The following GCNT2 variants were observed in gnomAD, a reference collection of about 807,000 sequenced individuals.
GCNT2 encodes the protein N-acetyllactosaminide beta-1,6-N-acetylglucosaminyl-transferase.
A neutral mutation model predicts 34.2 loss-of-function variants in GCNT2; 34 were observed. That is an observed-to-expected ratio of 1.00 (90% CI 0.76 to 1.32). The LOEUF (loss-of-function observed/expected upper bound fraction) is 1.32. GCNT2 is among the 40% of genes most tolerant of loss of function. The pLI is 0.00. For missense variants in GCNT2, 584 were observed against 489.4 expected, an observed-to-expected ratio of 1.19 and a Z score of -1.82; for synonymous variants, 212 against 188.0, an observed-to-expected ratio of 1.13 and a Z score of -1.04.
chr6:10,556,128 A>T, intron 3 of GCNT2: 2 of 1,297,540 alleles, frequency 1.5e-6, no homozygotes, highest in South Asian at 3.3e-5. Context: ...TTAGCAAAAC[A>T]GCTAGCAGAT....
rs1454614979 is a variant in GCNT2 at position 10,628,772 on chromosome 6, A to T, written c.*2165A>T. ...GTGGTGGCTCACACCTGTAATCCCAACACTTTGGGAGGCCAAGGCAGGTAG... is the reference window on the plus strand; with the variant it reads ...GTGGTGGCTCACACCTGTAATCCCATCACTTTGGGAGGCCAAGGCAGGTAG... On this transcript the variant is annotated 3_prime_UTR_variant, in exon 5 of 5. Coordinates refer to ENST00000495262, the MANE Select transcript of GCNT2 (RefSeq NM_145649.5). 6.6e-6 allele frequency: 1 copy of T among 152,352 alleles called. No individual in the cohort carries two copies. Among genetic ancestry groups the T allele is most frequent in the Admixed American group, 6.5e-5 (1 of 15,272 alleles). 9.4% of individuals were successfully genotyped at this position (152,352 alleles called of 1,614,324 possible). A position where few individuals can be genotyped will look rare whatever the true frequency, so the allele number is the denominator to read the frequency against.
intron 2 of GCNT2, among the ~76,000 whole-genome samples, chr6:10,527,927 C>T (rs1428823616): frequency 6.6e-6 from 1 of 152,140 alleles, no homozygotes; most frequent in Non-Finnish European, 1.5e-5. Flanking sequence ...AAGAGCCTCT[C>T]TCCTAAAATT....
At chr6:10,599,661 G>C (rs1013770518) in intron 3 of GCNT2, among the ~76,000 whole-genome samples, 4 of 152,124 alleles carry the variant, frequency 2.6e-5, no homozygotes, top group Non-Finnish European at 5.9e-5. Flanking sequence ...TCACATCATG[G>C]CTTCTTGTAG....
chr6:10,529,042 T>G lies in GCNT2; in HGVS notation c.131T>G (p.Leu44Arg). 1 of 1,614,158 alleles carries G rather than the reference T, an allele frequency of 6.2e-7. No individual in the cohort carries two copies. Among genetic ancestry groups the G allele is most frequent in the Non-Finnish European group, 8.5e-7 (1 of 1,179,976 alleles). ...FLRAALSNAS[L>R]LAEACHQIFE... ...AGGGCAGCTCTGTCCAATGCTTCAC[T>G]GTTAGCAGAAGCCTGTCATCAGATT... Residue 44 changes from leucine (L) to arginine (R), a missense_variant, in exon 3 of 5, where the codon CTG becomes CGG. By Grantham distance (102) the Leu-to-Arg change is moderately radical. Coordinates refer to ENST00000495262, the MANE Select transcript of GCNT2 (RefSeq NM_145649.5).
At chr6:10,530,611 C>A (rs193282567) in intron 3 of GCNT2, among the ~76,000 whole-genome samples, 16 of 152,240 alleles carry the variant, frequency 1.1e-4, no homozygotes, top group African/African-American at 3.6e-4. Flanking sequence ...TGGCTCACGC[C>A]TGTAATCCCA....
In GCNT2 at chr6:10,626,494, A is replaced by G; in HGVS notation, c.1096A>G (p.Asn366Asp). The change falls in exon 5 of 5, where the codon AAC (asparagine) becomes GAC (aspartate). Residue 366 changes from asparagine to aspartate, a missense_variant. Transcript: ENST00000495262. ...GGTTAATTCACCAAGCCTGTTTGCTAACAAGTTTGAGCTTAATACCTACCC... is the reference window on the plus strand; with the variant it reads ...GGTTAATTCACCAAGCCTGTTTGCTGACAAGTTTGAGCTTAATACCTACCC... Reference protein sequence around the residue: ...WLVNSPSLFANKFELNTYPLT... With the variant: ...WLVNSPSLFADKFELNTYPLT... The G allele has an allele frequency of 6.2e-7, 1 of 1,613,652 alleles. No individual in the cohort carries two copies. Among genetic ancestry groups the G allele is most frequent in the Non-Finnish European group, 8.5e-7 (1 of 1,179,534 alleles).
intron 3 of GCNT2, among the ~76,000 whole-genome samples, chr6:10,616,840 T>C (rs1765789514): frequency 6.6e-6 from 1 of 152,122 alleles, no homozygotes; most frequent in Admixed American, 6.5e-5. Context: ...TGCCAATTGG[T>C]GCATTCACAA....
At chr6:10,606,551 A>T (rs1039465961) in intron 3 of GCNT2, among the ~76,000 whole-genome samples, 1 of 83,094 alleles carries the variant, frequency 1.2e-5, no homozygotes. Context: ...ATTTATTGGG[A>T]TCTCTTTTAA....
intron 3 of GCNT2, among the ~76,000 whole-genome samples, chr6:10,615,203 C>T (rs1462549152): frequency 6.6e-6 from 1 of 152,150 alleles, no homozygotes; most frequent in Non-Finnish European, 1.5e-5. Context: ...CTGCATCCTC[C>T]TCCCAGTGTT....
intron 3 of GCNT2, chr6:10,557,490 G>GT: frequency 1.5e-6 from 1 of 660,206 alleles, no homozygotes; most frequent in Non-Finnish European, 2.6e-6. Flanking sequence ...GCAGAAAGAT[G>GT]TTCTTTTTTT....
rs1315036809 is a variant in GCNT2, at chr6:10,628,193, G to A, written c.*1586G>A. ...AGAATGGTCTCAGTGTTAATACTGA[G>A]AAAAAGTCCTGTCAGTTCAGAAAAA... On this transcript the variant is annotated 3_prime_UTR_variant, in exon 5 of 5. Coordinates refer to ENST00000495262, the MANE Select transcript of GCNT2 (RefSeq NM_145649.5). The A allele has an allele frequency of 2.0e-5, 3 of 152,538 alleles. No individual in the cohort carries two copies. The highest frequency in any genetic ancestry group is 4.4e-5 in the Non-Finnish European group (3 of 68,010). 9.4% of individuals were successfully genotyped at this position (152,538 alleles called of 1,614,324 possible).
chr6:10,612,245 C>G (rs566365484), intron 3 of GCNT2, among the ~76,000 whole-genome samples: 1 of 152,278 alleles, frequency 6.6e-6, no homozygotes, highest in Admixed American at 6.5e-5. Flanking sequence ...TCTCAGCCTC[C>G]CAGAGTGCTG....
intron 3 of GCNT2, among the ~76,000 whole-genome samples, chr6:10,617,578 C>T (rs1027646247): frequency 2.0e-5 from 3 of 152,156 alleles, no homozygotes; most frequent in African/African-American, 4.8e-5. Flanking sequence ...CTCACCGTGA[C>T]TTAGAATGCG....
chr6:10,557,111 G>T (rs749436278), intron 3 of GCNT2: 3 of 1,563,646 alleles, frequency 1.9e-6, no homozygotes, highest in Non-Finnish European at 2.6e-6. Context: ...GACTAAATAT[G>T]TCCACCAAGA....
Position 10,627,612 on chromosome 6 carries a change from C to T in GCNT2, c.*1005C>T, listed in dbSNP as rs1178848658. On this transcript the variant is annotated 3_prime_UTR_variant, in exon 5 of 5. Transcript: ENST00000495262. ...GTTATTTATCCCTCATTCATCCATC[C>T]GTTCATTCATTCAGCCTTCAATCAA... is the stretch of plus-strand genomic sequence containing the variant. 3.3e-5 allele frequency: 5 copies of T among 150,834 alleles called. No individual in the cohort carries two copies. The highest frequency in any genetic ancestry group is 5.9e-5 in the Non-Finnish European group (4 of 68,016). 9.3% of individuals were successfully genotyped at this position (150,834 alleles called of 1,614,324 possible).
intron 3 of GCNT2, among the ~76,000 whole-genome samples, chr6:10,571,346 A>G (rs1389383380): frequency 8.6e-6 from 1 of 115,618 alleles, no homozygotes; most frequent in Non-Finnish European, 2.3e-5. Context: ...CATGATAATT[A>G]TTATTATTAT....
chr6:10,570,609 A>G (rs1400185592), intron 3 of GCNT2, among the ~76,000 whole-genome samples: 1 of 152,068 alleles, frequency 6.6e-6, no homozygotes, highest in African/African-American at 2.4e-5. Context: ...CTTAGACCCA[A>G]TCTTCACATA....
At chr6:10,588,461 A>G (rs1764451260) in intron 3 of GCNT2, among the ~76,000 whole-genome samples, 1 of 152,178 alleles carries the variant, frequency 6.6e-6, no homozygotes, top group Non-Finnish European at 1.5e-5. Flanking sequence ...TAGTATGTTC[A>G]CGTTGTTCAC....
chr6:10,536,629 T>C (rs1270704051), intron 3 of GCNT2, among the ~76,000 whole-genome samples: 2 of 151,652 alleles, frequency 1.3e-5, no homozygotes, highest in African/African-American at 2.4e-5. Flanking sequence ...GTTGGGATTA[T>C]AGGCGTGAGC....
Sources: allele counts gnomAD v4.1 joint callset (sites outside exome capture counted in the v4.1 genomes callset), GRCh38; gene constraint gnomAD v4.1.1; transcripts MANE v1.5; gene names NCBI Gene and HGNC (gene_info 2026-07-23, HGNC 2026-07-21).